The following RYR2 variants were observed in gnomAD, a reference collection of about 807,000 sequenced individuals.
RYR2 encodes cardiac muscle ryanodine receptor-calcium release channel.
Under a neutral mutation model 601.1 loss-of-function variants are expected in RYR2, and 227 were observed. The observed-to-expected ratio is 0.38, with a 90% CI of 0.34 to 0.42. The LOEUF (loss-of-function observed/expected upper bound fraction) is 0.42. Among genes scored for constraint, RYR2 ranks in the 10% least tolerant of loss-of-function variants. The probability of loss-of-function intolerance (pLI) is 1.00; values close to 1 mark genes in which losing one functional copy is unlikely to be tolerated. For synonymous variants in RYR2, 2,223 were observed against 2,175.1 expected (o/e 1.02, Z -0.61); for missense variants, 4,646 against 6,156.5 (o/e 0.75, Z 8.21).
At chr1:237,313,586 A>T (rs57244918) in intron 2 of RYR2, among the ~76,000 whole-genome samples, 1 of 152,068 alleles carries the variant, frequency 6.6e-6, no homozygotes, top group Admixed American at 6.5e-5. Context: ...ATCAATCTTG[A>T]TCATATTTTT....
At position 237,718,450 on chromosome 1, in the gene RYR2, A is replaced by G. The variant is rs765656826; in HGVS notation, c.10495-12A>G. 4.8e-6 allele frequency: 7 copies of G among 1,443,594 alleles called. No homozygotes were observed. The East Asian group carries it at 1.4e-4, about 28-fold the overall frequency. 89.4% of individuals were successfully genotyped at this position (1,443,594 alleles called of 1,614,324 possible). Reference sequence around the variant, plus strand: ...AGAAGACTCCTTTTAGGTAACATATATTTCTTGACAGAAAGATACCGAGGA... The same window carrying G: ...AGAAGACTCCTTTTAGGTAACATATGTTTCTTGACAGAAAGATACCGAGGA... On this transcript the variant is annotated splice_polypyrimidine_tract_variant and intron_variant, in intron 72 of 104. Coordinates refer to ENST00000366574, the MANE Select transcript of RYR2 (RefSeq NM_001035.3).
Position 237,731,357 on chromosome 1 carries a change from T to TA in RYR2, c.10936-679dup, listed in dbSNP as rs565748987. Among the ~76,000 whole-genome samples, 155 of 149,640 alleles carry TA rather than the reference T, an allele frequency of 1.0e-3. 1 individual carries two copies. Among genetic ancestry groups the TA allele is most frequent in the African/African-American group, 2.3e-3 (93 of 40,974 alleles). On this transcript the variant is annotated intron_variant, in intron 77 of 104. Transcript: ENST00000366574. ...TCGCTATTAAAGTTCTATCCGATAG[T>TA]AAAAAAAAAATATTTTTTAAGTTTT...
intron 12 of RYR2, among the ~76,000 whole-genome samples, chr1:237,429,460 G>A (rs940141776): frequency 3.9e-5 from 6 of 152,068 alleles, no homozygotes; most frequent in Non-Finnish European, 7.4e-5. Context: ...GACTGCCATG[G>A]GAGCCTGAGG....
At chr1:237,250,220 A>T (rs1019365194) in intron 1 of RYR2, among the ~76,000 whole-genome samples, 4 of 152,194 alleles carry the variant, frequency 2.6e-5, no homozygotes, top group Non-Finnish European at 4.4e-5. Context: ...CTGCCCTGGC[A>T]TCCTGATCTT....
intron 22 of RYR2, among the ~76,000 whole-genome samples, chr1:237,505,264 T>G (rs1665099106): frequency 6.6e-6 from 1 of 152,218 alleles, no homozygotes; most frequent in East Asian, 1.9e-4. Context: ...TTCATAGATG[T>G]AATGGTGTTC....
intron 33 of RYR2, 71 bp from the exon 34 acceptor site, chr1:237,595,427 T>A: frequency 6.4e-7 from 1 of 1,560,990 alleles, no homozygotes; most frequent in South Asian, 1.2e-5. Context: ...ATTTAGTTAG[T>A]TTGCAAGATA....
intron 1 of RYR2, among the ~76,000 whole-genome samples, chr1:237,138,146 C>T (rs1368952671): frequency 6.6e-6 from 1 of 152,174 alleles, no homozygotes; most frequent in East Asian, 1.9e-4. Context: ...ATTCTCCTGC[C>T]TCAGGCTCCT....
At chr1:237,752,032 G>T (rs569643569) in intron 80 of RYR2, among the ~76,000 whole-genome samples, 1 of 152,194 alleles carries the variant, frequency 6.6e-6, no homozygotes, top group African/African-American at 2.4e-5. Context: ...CAAACTATAG[G>T]ATATCACATC....
At chr1:237,693,038 G>A (rs1489453878) in intron 63 of RYR2, among the ~76,000 whole-genome samples, 2 of 152,148 alleles carry the variant, frequency 1.3e-5, no homozygotes, top group Non-Finnish European at 2.9e-5. Flanking sequence ...GAAGCCTATA[G>A]TCTAATAGAG....
At chr1:237,063,364 A>T (rs555622739) in intron 1 of RYR2, among the ~76,000 whole-genome samples, 189 of 150,680 alleles carry the variant, frequency 1.3e-3, no homozygotes, top group African/African-American at 4.7e-3. Context: ...GCCTTTCTTT[A>T]GATTAATATT....
At position 237,228,494 on chromosome 1, in the gene RYR2, G is replaced by A. The variant is rs146747809; in HGVS notation, c.49-42003G>A. Reference sequence around the variant, plus strand: ...CTTTTCCTCTGGGAACTTAACTCTTGTTTCTATCAATCAGCCTGTGGTAAA... The same window carrying A: ...CTTTTCCTCTGGGAACTTAACTCTTATTTCTATCAATCAGCCTGTGGTAAA... On this transcript the variant is annotated intron_variant, in intron 1 of 104. Coordinates refer to ENST00000366574, the MANE Select transcript of RYR2 (RefSeq NM_001035.3). 1.8e-3 allele frequency among the ~76,000 whole-genome samples: 278 copies of A among 152,228 alleles called. 2 individuals are homozygous for A. The highest frequency in any genetic ancestry group is 6.4e-3 in the African/African-American group (267 of 41,546).
rs1272915439 is a variant in RYR2, at chr1:237,056,230, GCACTGCACCTGTGAGGACTGGAA to G, written c.48+13669_48+13691del. ...GAGCACTGCACCTGTGAGGACTGGA[GCACTGCACCTGTGAGGACTGGAA>G]CACTGCATGTGTGAGGACTAGAGAC... On this transcript the variant is annotated intron_variant, in intron 1 of 104. Transcript: ENST00000366574. Among the ~76,000 whole-genome samples, 897 of 149,834 alleles carry G rather than the reference GCACTGCACCTGTGAGGACTGGAA, an allele frequency of 6.0e-3. 7 individuals are homozygous for G. Among genetic ancestry groups the G allele is most frequent in the African/African-American group, 0.021 (850 of 40,440 alleles).
intron 63 of RYR2, among the ~76,000 whole-genome samples, chr1:237,691,559 T>A (rs980322687): frequency 1.4e-4 from 22 of 152,366 alleles, no homozygotes; most frequent in African/African-American, 5.3e-4. Flanking sequence ...ATATTTCTTC[T>A]GCATTGATGG....
intron 1 of RYR2, among the ~76,000 whole-genome samples, chr1:237,216,104 C>T (rs1683128927): frequency 6.6e-6 from 1 of 152,070 alleles, no homozygotes; most frequent in Non-Finnish European, 1.5e-5. Flanking sequence ...TATATAACTC[C>T]TGTAACAACA....
At chr1:237,309,620 T>G (rs1184366875) in intron 2 of RYR2, among the ~76,000 whole-genome samples, 1 of 152,218 alleles carries the variant, frequency 6.6e-6, no homozygotes, top group Non-Finnish European at 1.5e-5. Flanking sequence ...AGTCCCGCAC[T>G]GTGTGCCCAC....
chr1:237,768,243 C>A (rs1041716872), intron 84 of RYR2, among the ~76,000 whole-genome samples: 1 of 152,086 alleles, frequency 6.6e-6, no homozygotes, highest in African/African-American at 2.4e-5. Context: ...AAATTCAAAT[C>A]GCTTTATTCA....
At chr1:237,780,576 G>GT (rs1695020787) in intron 88 of RYR2, among the ~76,000 whole-genome samples, 1 of 152,114 alleles carries the variant, frequency 6.6e-6, no homozygotes, top group Non-Finnish European at 1.5e-5. Context: ...AGTATGATCC[G>GT]TATTTCCAGG....
At chr1:237,787,823 C>T (rs993542836) in intron 91 of RYR2, 165 bp from the exon 92 acceptor site, 10 of 663,922 alleles carry the variant, frequency 1.5e-5, no homozygotes, top group Admixed American at 1.2e-4. Context: ...GAAAATCCTA[C>T]CCCTGATTCT....
intron 1 of RYR2, among the ~76,000 whole-genome samples, chr1:237,148,553 T>TATACAC (rs71178397): frequency 1.2e-4 from 13 of 105,696 alleles, no homozygotes; most frequent in South Asian, 5.9e-4. Context: ...TATATATATA[T>TATACAC]ACACACACAC....
Sources: allele counts gnomAD v4.1 joint callset (sites outside exome capture counted in the v4.1 genomes callset), GRCh38; gene constraint gnomAD v4.1.1; transcripts MANE v1.5; gene names NCBI Gene and HGNC (gene_info 2026-07-23, HGNC 2026-07-21).